Variants in DOCK8 observed in about 807,000 individuals in gnomAD.
DOCK8 encodes the protein dedicator of cytokinesis protein 8.
Under a neutral mutation model 245.6 loss-of-function variants are expected in DOCK8, and 141 were observed. That is an observed-to-expected ratio of 0.57 (90% CI 0.50 to 0.66). DOCK8 has a LOEUF of 0.66. DOCK8 is among the 30% of genes least tolerant of loss of function. DOCK8 has a pLI of 0.00. For missense variants in DOCK8, 2,965 were observed against 2,603.4 expected, an observed-to-expected ratio of 1.14 and a Z score of -3.02; for synonymous variants, 1,168 against 970.2, an observed-to-expected ratio of 1.20 and a Z score of -3.79.
chr9:298,618 A>AGTGTGTGTGTGTGTGT (rs34998339), intron 4 of DOCK8, among the ~76,000 whole-genome samples: 2 of 145,306 alleles, frequency 1.4e-5, no homozygotes, highest in African/African-American at 5.1e-5. Flanking sequence ...CACATCTGTA[A>AGTGTGTGTGTGTGTGT]GTGTGTGTGT....
intron 43 of DOCK8, among the ~76,000 whole-genome samples, chr9:444,322 G>C (rs572311073): frequency 8.4e-5 from 7 of 83,708 alleles, no homozygotes; most frequent in Admixed American, 7.3e-4. Context: ...TTGAAAATAG[G>C]AGAAAACAAA....
intron 1 of DOCK8, among the ~76,000 whole-genome samples, chr9:237,984 A>C (rs893977399): frequency 1.2e-4 from 18 of 152,186 alleles, no homozygotes; most frequent in African/African-American, 4.1e-4. Context: ...GCTGAGTTAT[A>C]GTCCGGCCCC....
At chr9:392,460 G>T (rs1223960335) in intron 24 of DOCK8, among the ~76,000 whole-genome samples, 1 of 152,162 alleles carries the variant, frequency 6.6e-6, no homozygotes, top group Non-Finnish European at 1.5e-5. Flanking sequence ...GAACCACCTG[G>T]AGGTGCTTAG....
At chr9:312,298 C>T (rs1296256138) in intron 6 of DOCK8, 132 bp downstream of exon 6, 10 of 1,067,646 alleles carry the variant, frequency 9.4e-6, no homozygotes, top group East Asian at 7.7e-5. Flanking sequence ...TCTGGGGCCT[C>T]GTTTTTCACT....
chr9:403,982 ATATATATATGTG>A (rs1564021984), intron 26 of DOCK8, among the ~76,000 whole-genome samples: 26 of 73,816 alleles, frequency 3.5e-4, no homozygotes, highest in Admixed American at 1.1e-3. Context: ...ATATGTGTAT[ATATATATATGTG>A]TATATATATA....
chr9:249,374 A>G (rs945103953), intron 1 of DOCK8, among the ~76,000 whole-genome samples: 1 of 152,190 alleles, frequency 6.6e-6, no homozygotes, highest in African/African-American at 2.4e-5. Context: ...TGAAAAGAGG[A>G]AAGTCAGTGA....
chr9:286,643 A>T lies in DOCK8; in HGVS notation c.332+7A>T, dbSNP rs748652392. ...CCTCTTTGCCGGAGGAAGGGTAAAT[A>T]GTTTTCTAAAATGTAGATGTGATTG... On this transcript the variant is annotated splice_region_variant and intron_variant, in intron 3 of 47. Coordinates refer to ENST00000432829, the MANE Select transcript of DOCK8 (RefSeq NM_203447.4). The T allele has an allele frequency of 1.9e-6, 3 of 1,613,482 alleles. No individual in the cohort carries two copies. The highest frequency in any genetic ancestry group is 8.5e-7 in the Non-Finnish European group (1 of 1,179,646).
At chr9:334,552 G>T (rs561628726) in intron 11 of DOCK8, among the ~76,000 whole-genome samples, 168 bp downstream of exon 11, 1 of 152,086 alleles carries the variant, frequency 6.6e-6, no homozygotes, top group Non-Finnish European at 1.5e-5. Context: ...AGATTTGGAC[G>T]GTGATCTCCA....
chr9:252,409 G>T (rs1312796621), intron 1 of DOCK8, among the ~76,000 whole-genome samples: 1 of 152,142 alleles, frequency 6.6e-6, no homozygotes, highest in African/African-American at 2.4e-5. Context: ...GATTATGCAA[G>T]ATTTGAACCA....
At chr9:292,937 C>G (rs1343146778) in intron 4 of DOCK8, among the ~76,000 whole-genome samples, 2 of 152,074 alleles carry the variant, frequency 1.3e-5, no homozygotes, top group African/African-American at 4.8e-5. Flanking sequence ...TTGTTTTTAT[C>G]TTTTCTACAG....
intron 35 of DOCK8, 123 bp from the exon 36 acceptor site, chr9:429,579 G>A: frequency 3.5e-6 from 4 of 1,131,576 alleles, no homozygotes; most frequent in Non-Finnish European, 5.3e-6. Flanking sequence ...TTATCTTTAT[G>A]GAATAATGCA....
rs774043738 is a variant in DOCK8, at chr9:420,525, C to T, written c.3965C>T (p.Thr1322Met). 8.7e-6 allele frequency: 14 copies of T among 1,614,168 alleles called. No individual in the cohort carries two copies. The highest frequency in any genetic ancestry group is 4.4e-5 in the South Asian group (4 of 91,086). Residue 1322 changes from threonine to methionine, a missense_variant, in exon 31 of 48, where the codon ACG becomes ATG. Thr to Met is a moderately conservative substitution (Grantham distance 81). Transcript: ENST00000432829. Reference protein sequence around the residue: ...IRKWIADLPSTQLNRILDLLF... With the variant: ...IRKWIADLPSMQLNRILDLLF... ...AAGTGGATTGCTGACCTGCCATCAA[C>T]GCAGCTCAACAGGATTTTAGATCTA...
chr9:388,808 C>A (rs1001635628), intron 23 of DOCK8, among the ~76,000 whole-genome samples: 1 of 152,056 alleles, frequency 6.6e-6, no homozygotes. Flanking sequence ...GCCTCCTCGG[C>A]CTCCCAAAGT....
At chr9:361,886 T>G (rs563258839) in intron 14 of DOCK8, among the ~76,000 whole-genome samples, 1 of 152,316 alleles carries the variant, frequency 6.6e-6, no homozygotes, top group Admixed American at 6.5e-5. Context: ...TTTTGCATAT[T>G]TACAGCCCTG....
At chr9:440,715 T>A (rs1330145971) in intron 40 of DOCK8, among the ~76,000 whole-genome samples, 1 of 152,166 alleles carries the variant, frequency 6.6e-6, no homozygotes, top group Non-Finnish European at 1.5e-5. Flanking sequence ...ACTTCTCTCC[T>A]GTTTTTTCTT....
At position 405,007 on chromosome 9, in the gene DOCK8, T is replaced by A; in HGVS notation, c.3324T>A (p.Asn1108Lys). Residue 1108 changes from asparagine (N) to lysine (K), a missense_variant, in exon 27 of 48, where the codon AAT (asparagine) becomes AAA (lysine). By Grantham distance (94) the Asn-to-Lys change is moderately conservative. Coordinates refer to ENST00000432829, the MANE Select transcript of DOCK8 (RefSeq NM_203447.4). ...RILCSHEHYL[N>K]LNLFFMNADT... is the part of the protein sequence containing the mutation. Reference sequence around the variant, plus strand: ...TCTGTAGCCATGAGCATTACCTCAATCTGAACCTTTTTTTTATGAATGCTG... The same window carrying A: ...TCTGTAGCCATGAGCATTACCTCAAACTGAACCTTTTTTTTATGAATGCTG... 1 of 1,614,040 alleles carries A rather than the reference T, an allele frequency of 6.2e-7. No homozygotes were observed. The highest frequency in any genetic ancestry group is 8.5e-7 in the Non-Finnish European group (1 of 1,179,958).
At chr9:249,747 A>T (rs1386486132) in intron 1 of DOCK8, among the ~76,000 whole-genome samples, 1 of 151,214 alleles carries the variant, frequency 6.6e-6, no homozygotes, top group South Asian at 2.1e-4. Flanking sequence ...CCTGCCAAGT[A>T]ACTGGGATTA....
At chr9:361,423 G>T (rs2052724908) in intron 14 of DOCK8, among the ~76,000 whole-genome samples, 1 of 152,180 alleles carries the variant, frequency 6.6e-6, no homozygotes, top group South Asian at 2.1e-4. Context: ...CTGGTAAGAA[G>T]ATCATCTTAA....
chr9:398,146 T>C (rs12347075), intron 25 of DOCK8, among the ~76,000 whole-genome samples: 4,016 of 152,238 alleles, frequency 0.026, 96 homozygotes, highest in African/African-American at 0.065. Flanking sequence ...GGTGTGAGAA[T>C]AAGGCACAGT....
Sources: gnomAD v4.1 joint callset for allele counts (sites outside exome capture counted in the v4.1 genomes callset) on GRCh38, gnomAD v4.1.1 for gene constraint, MANE v1.5 for transcripts, NCBI Gene and HGNC (gene_info 2026-07-23, HGNC 2026-07-21) for gene names.